GTF2IRD1: variants seen among roughly 807,000 people sequenced by gnomAD.
The protein encoded by GTF2IRD1 is general transcription factor II-I repeat domain-containing protein 1.
Under a neutral mutation model 113.2 loss-of-function variants are expected in GTF2IRD1, and 26 were observed. That is an observed-to-expected ratio of 0.23 (90% CI 0.17 to 0.32). The LOEUF (loss-of-function observed/expected upper bound fraction) is 0.32, where lower values mean the gene tolerates loss of function less well. Among genes scored for constraint, GTF2IRD1 ranks in the 10% least tolerant of loss-of-function variants. The pLI, the probability that GTF2IRD1 is intolerant of heterozygous loss-of-function variation, is 1.00. For missense variants in GTF2IRD1, 864 were observed against 1,280.8 expected, an observed-to-expected ratio of 0.67 and a Z score of 4.97; for synonymous variants, 484 against 529.1, an observed-to-expected ratio of 0.91 and a Z score of 1.17.
chr7:74,601,354 G>A, intron 26 of GTF2IRD1, 174 bp downstream of exon 26: 1 of 1,528,982 alleles, frequency 6.5e-7, no homozygotes, highest in Non-Finnish European at 8.8e-7. Context: ...CACCCAAGAG[G>A]TAGCCCATCC....
At chr7:74,547,871 G>T (rs1479897386) in intron 17 of GTF2IRD1, among the ~76,000 whole-genome samples, 1 of 148,890 alleles carries the variant, frequency 6.7e-6, no homozygotes, top group Non-Finnish European at 1.5e-5. Flanking sequence ...GACCCCTCTC[G>T]CAGTCTCAGG....
intron 22 of GTF2IRD1, among the ~76,000 whole-genome samples, chr7:74,575,965 C>T (rs587709175): frequency 4.6e-5 from 7 of 151,394 alleles, no homozygotes; most frequent in East Asian, 1.9e-4. Context: ...CCCAGGAGTT[C>T]GAGACAAGCC....
intron 22 of GTF2IRD1, among the ~76,000 whole-genome samples, chr7:74,565,134 C>A (rs1213903072): frequency 6.6e-6 from 1 of 152,150 alleles, no homozygotes; most frequent in African/African-American, 2.4e-5. Flanking sequence ...GCTGAGACAA[C>A]CCACGCTCGA....
intron 17 of GTF2IRD1, among the ~76,000 whole-genome samples, chr7:74,548,975 T>C (rs1799125450): frequency 6.6e-6 from 1 of 152,066 alleles, no homozygotes. Flanking sequence ...TCTGTGTTAC[T>C]GTAATAGCAC....
intron 22 of GTF2IRD1, among the ~76,000 whole-genome samples, chr7:74,589,551 G>C (rs1426501427): frequency 6.6e-6 from 1 of 151,400 alleles, no homozygotes; most frequent in Non-Finnish European, 1.5e-5. Flanking sequence ...ACAAAAATTA[G>C]CTGGGCATGG....
Position 74,555,301 on chromosome 7 carries a change from C to A in GTF2IRD1, c.1966+78C>A. 1 of 1,486,204 alleles carries A rather than the reference C, an allele frequency of 6.7e-7. No homozygotes were observed. Among genetic ancestry groups the A allele is most frequent in the East Asian group, 2.3e-5 (1 of 44,006 alleles). 92.1% of individuals were successfully genotyped at this position (1,486,204 alleles called of 1,614,324 possible). On this transcript the variant is annotated intron_variant, in intron 18 of 26. Transcript: ENST00000424337. This position sits in a 1 kb window ranked among gnomAD's most constrained non-coding sequence, Gnocchi z 5.3. The stretch of plus-strand genomic sequence containing the variant: ...AGGCCTCTGCCACCAGCCCCTCCTC[C>A]TGCTGCCTCTGTCCTGCTCCCATCC...
chr7:74,539,976 A>G lies in GTF2IRD1; in HGVS notation c.1618+8A>G. On this transcript the variant is annotated splice_region_variant and intron_variant, in intron 14 of 26. Transcript: ENST00000424337. ...GGATGGAGATGCTGACAGGTAAGAA[A>G]TGGACCTGGGCTGGTGGTGCTTGGG... 2 of 1,598,754 alleles carry G rather than the reference A, an allele frequency of 1.3e-6. No homozygotes were observed. The highest frequency in any genetic ancestry group is 1.7e-6 in the Non-Finnish European group (2 of 1,166,450).
chr7:74,483,369 C>G (rs1252017022), intron 1 of GTF2IRD1, among the ~76,000 whole-genome samples: 2 of 150,336 alleles, frequency 1.3e-5, no homozygotes, highest in African/African-American at 5.0e-5. Context: ...AAGGCCCCAT[C>G]TCTAAAAAAA....
intron 1 of GTF2IRD1, among the ~76,000 whole-genome samples, chr7:74,476,309 C>T (rs1225203198): frequency 6.6e-6 from 1 of 151,204 alleles, no homozygotes; most frequent in Non-Finnish European, 1.5e-5. Context: ...CTGGCAAGCC[C>T]AAGTTCCTGG....
intron 1 of GTF2IRD1, 149 bp from the exon 2 acceptor site, chr7:74,507,926 C>A: frequency 2.5e-6 from 2 of 793,562 alleles, no homozygotes; most frequent in South Asian, 1.8e-5. Context: ...TCCCATCACA[C>A]ATAAAGCCCT....
At chr7:74,536,114 A>G (rs1798280509) in intron 10 of GTF2IRD1, 53 bp from the exon 11 acceptor site, 1 of 1,129,016 alleles carries the variant, frequency 8.9e-7, no homozygotes. Flanking sequence ...GGGGCTCTGC[A>G]GCAAGAGGAG....
At chr7:74,531,306 G>A (rs1797951000) in intron 9 of GTF2IRD1, among the ~76,000 whole-genome samples, 1 of 152,144 alleles carries the variant, frequency 6.6e-6, no homozygotes, top group Admixed American at 6.6e-5. Flanking sequence ...GGGCGACAGA[G>A]ATTGCAGTGA....
At chr7:74,500,220 C>A (rs1420852348) in intron 1 of GTF2IRD1, among the ~76,000 whole-genome samples, 4 of 152,136 alleles carry the variant, frequency 2.6e-5, no homozygotes, top group Admixed American at 6.6e-5. Context: ...GCACGCTTCC[C>A]CTCCCGAGCC....
intron 17 of GTF2IRD1, among the ~76,000 whole-genome samples, chr7:74,550,591 A>AT (rs1222133360): frequency 1.5e-4 from 22 of 146,294 alleles, no homozygotes; most frequent in East Asian, 4.0e-4. Flanking sequence ...TGTCTCGAAA[A>AT]TTTTTTTTTT....
At chr7:74,525,695 T>C (rs1797557285) in intron 8 of GTF2IRD1, among the ~76,000 whole-genome samples, 1 of 151,770 alleles carries the variant, frequency 6.6e-6, no homozygotes, top group African/African-American at 2.4e-5. Context: ...AGGCAGAGGT[T>C]GCAGTGGGCC....
At chr7:74,570,419 G>A (rs1800631324) in intron 22 of GTF2IRD1, among the ~76,000 whole-genome samples, 1 of 151,166 alleles carries the variant, frequency 6.6e-6, no homozygotes, top group Admixed American at 6.6e-5. Context: ...CAGCACTTCG[G>A]GAGGCCAAGG....
intron 8 of GTF2IRD1, among the ~76,000 whole-genome samples, chr7:74,528,707 GTGGATGGA>G (rs58102974): frequency 0.031 from 3,292 of 106,772 alleles, 121 homozygotes; most frequent in East Asian, 0.19. Context: ...GGAAAGATGG[GTGGATGGA>G]TGGATGGATG....
chr7:74,582,995 C>T (rs1227260432), intron 22 of GTF2IRD1, among the ~76,000 whole-genome samples: 3 of 150,962 alleles, frequency 2.0e-5, no homozygotes, highest in Admixed American at 1.3e-4. Flanking sequence ...AAAAAAACCA[C>T]GTAATTCTCT....
chr7:74,541,769 C>T (rs1294725909), intron 14 of GTF2IRD1, among the ~76,000 whole-genome samples: 5 of 151,550 alleles, frequency 3.3e-5, no homozygotes, highest in Non-Finnish European at 5.9e-5. Flanking sequence ...GGCATGGTGG[C>T]GCATGCCTGT....
Sources: allele counts gnomAD v4.1 joint callset (sites outside exome capture counted in the v4.1 genomes callset), GRCh38; gene constraint gnomAD v4.1.1; non-coding constraint Gnocchi (gnomAD v3.1); transcripts MANE v1.5; gene names NCBI Gene and HGNC (gene_info 2026-07-23, HGNC 2026-07-21).